TNNI3K: variants seen among roughly 807,000 people sequenced by gnomAD.
TNNI3K encodes TNNI3 interacting kinase, also known as serine/threonine-protein kinase TNNI3K.
Under a neutral mutation model 114.5 loss-of-function variants are expected in TNNI3K, and 140 were observed. That is an observed-to-expected ratio of 1.22 (90% CI 1.07 to 1.41). TNNI3K has a LOEUF of 1.41. Ranked by LOEUF, TNNI3K falls within the 40% of genes most tolerant of loss-of-function variation. The pLI is 0.00. For synonymous variants in TNNI3K, 347 were observed against 347.5 expected, an observed-to-expected ratio of 1.00 and a Z score of 0.02; for missense variants, 1,125 against 1,007.6, an observed-to-expected ratio of 1.12 and a Z score of -1.58.
In TNNI3K at chr1:74,544,023, C is replaced by T. The variant is rs199907151; in HGVS notation, c.*41C>T. 1 of 1,591,632 alleles carries T rather than the reference C, an allele frequency of 6.3e-7. No individual in the cohort carries two copies. The highest frequency in any genetic ancestry group is 8.5e-7 in the Non-Finnish European group (1 of 1,169,678). On this transcript the variant is annotated 3_prime_UTR_variant, in exon 25 of 25. Transcript: ENST00000326637. ...ACCTAAGGAGAGTTTTTTCCCCGAA[C>T]TGACAGCAACGATTCCAACCACGGC...
intron 9 of TNNI3K, among the ~76,000 whole-genome samples, chr1:74,348,380 A>G (rs979413300): frequency 3.3e-5 from 5 of 152,206 alleles, no homozygotes; most frequent in East Asian, 1.9e-4. Flanking sequence ...TAGCAGTACC[A>G]TGCTGTTTTG....
At chr1:74,296,443 C>T (rs1472805354) in intron 5 of TNNI3K, among the ~76,000 whole-genome samples, 1 of 151,744 alleles carries the variant, frequency 6.6e-6, no homozygotes, top group African/African-American at 2.4e-5. Flanking sequence ...AATGCTATGT[C>T]ATAATTATTA....
At chr1:74,410,316 C>A (rs1664821146) in intron 17 of TNNI3K, among the ~76,000 whole-genome samples, 1 of 152,036 alleles carries the variant, frequency 6.6e-6, no homozygotes, top group Non-Finnish European at 1.5e-5. Context: ...TCCCAAAGAG[C>A]TTATATTAAT....
chr1:74,437,441 A>G (rs1666187061), intron 19 of TNNI3K, among the ~76,000 whole-genome samples: 1 of 152,082 alleles, frequency 6.6e-6, no homozygotes, highest in Non-Finnish European at 1.5e-5. Flanking sequence ...TATGAAGAAA[A>G]ATAAAAGCAG....
intron 17 of TNNI3K, among the ~76,000 whole-genome samples, chr1:74,378,230 GCAAT>G (rs1210189074): frequency 6.6e-6 from 1 of 151,798 alleles, no homozygotes; most frequent in Non-Finnish European, 1.5e-5. Context: ...GCAATCAACT[GCAAT>G]CAGATTCAAT....
intron 21 of TNNI3K, chr1:74,475,249 A>G (rs1434660006): frequency 3.3e-6 from 2 of 615,190 alleles, no homozygotes; most frequent in East Asian, 2.7e-5. Flanking sequence ...CCCTCCTTCA[A>G]AAAGAATTAA....
intron 21 of TNNI3K, among the ~76,000 whole-genome samples, chr1:74,467,159 C>T (rs562234): frequency 0.63 from 95,050 of 151,896 alleles, 30,011 homozygotes; most frequent in East Asian, 0.82. Flanking sequence ...CCAGAACATA[C>T]GAAAATTCAT....
chr1:74,357,257 C>T (rs1661712352), intron 11 of TNNI3K, among the ~76,000 whole-genome samples: 1 of 152,254 alleles, frequency 6.6e-6, no homozygotes, highest in South Asian at 2.1e-4. Context: ...ACCATGTACC[C>T]TATCCTATCC....
chr1:74,510,778 G>C (rs1279252065), intron 23 of TNNI3K, among the ~76,000 whole-genome samples: 2 of 152,240 alleles, frequency 1.3e-5, no homozygotes, highest in African/African-American at 4.8e-5. Context: ...ACAAATGTGT[G>C]TTGATTTCCC....
intron 23 of TNNI3K, among the ~76,000 whole-genome samples, chr1:74,497,893 T>C (rs145435903): frequency 2.0e-5 from 3 of 152,302 alleles, no homozygotes; most frequent in African/African-American, 7.2e-5. Flanking sequence ...CACGTTTTCA[T>C]CATACGTTCC....
intron 6 of TNNI3K, among the ~76,000 whole-genome samples, chr1:74,332,252 TC>T (rs1660240676): frequency 6.6e-6 from 1 of 152,070 alleles, no homozygotes; most frequent in Non-Finnish European, 1.5e-5. Context: ...AGAACCTTTA[TC>T]TTTTTTTCTA....
intron 23 of TNNI3K, among the ~76,000 whole-genome samples, chr1:74,526,730 G>C (rs1048364148): frequency 3.9e-5 from 6 of 152,166 alleles, no homozygotes; most frequent in Admixed American, 6.5e-5. Context: ...GATGAATGGA[G>C]ATCCTACATT....
intron 5 of TNNI3K, among the ~76,000 whole-genome samples, chr1:74,302,592 T>C (rs1381886200): frequency 6.6e-6 from 1 of 152,214 alleles, no homozygotes; most frequent in Non-Finnish European, 1.5e-5. Flanking sequence ...CAAACAGCCT[T>C]ATTGCTGATA....
At position 74,369,594 on chromosome 1, in the gene TNNI3K, C is replaced by G; in HGVS notation, c.1667+9C>G. On this transcript the variant is annotated intron_variant, in intron 16 of 24. Coordinates refer to ENST00000326637, the MANE Select transcript of TNNI3K (RefSeq NM_015978.3). ...CTTCATGAGCAGAAGAGGTATGGGT[C>G]TTTTGTTCTGATTTATCCTTGGACA... The G allele has an allele frequency of 6.3e-7, 1 of 1,590,122 alleles. No individual in the cohort carries two copies. The highest frequency in any genetic ancestry group is 8.5e-7 in the Non-Finnish European group (1 of 1,170,012).
At chr1:74,387,349 A>C (rs950464774) in intron 17 of TNNI3K, among the ~76,000 whole-genome samples, 6 of 152,246 alleles carry the variant, frequency 3.9e-5, no homozygotes, top group African/African-American at 1.4e-4. Flanking sequence ...TCATATTTTC[A>C]GCATTTGATT....
At chr1:74,311,413 G>A (rs1408447751) in intron 5 of TNNI3K, among the ~76,000 whole-genome samples, 3 of 152,044 alleles carry the variant, frequency 2.0e-5, no homozygotes, top group African/African-American at 7.2e-5. Flanking sequence ...ATTGAAAAAA[G>A]TCATTATTCC....
At chr1:74,437,920 T>A (rs1409027559) in intron 19 of TNNI3K, among the ~76,000 whole-genome samples, 1 of 151,782 alleles carries the variant, frequency 6.6e-6, no homozygotes, top group Non-Finnish European at 1.5e-5. Flanking sequence ...AGCAGTTAGT[T>A]GAGACTCTCC....
chr1:74,268,992 A>G (rs938923962), intron 4 of TNNI3K, among the ~76,000 whole-genome samples: 1 of 151,886 alleles, frequency 6.6e-6, no homozygotes, highest in African/African-American at 2.4e-5. Context: ...TTGTTTAATC[A>G]TTTACTCAAC....
intron 4 of TNNI3K, among the ~76,000 whole-genome samples, chr1:74,255,748 A>G (rs188868027): frequency 1.2e-4 from 18 of 152,326 alleles, no homozygotes; most frequent in African/African-American, 3.8e-4. Flanking sequence ...GGACATTTCT[A>G]CTATACCAAA....
Sources: allele counts gnomAD v4.1 joint callset (sites outside exome capture counted in the v4.1 genomes callset), GRCh38; gene constraint gnomAD v4.1.1; transcripts MANE v1.5; gene names NCBI Gene and HGNC (gene_info 2026-07-23, HGNC 2026-07-21).